The following DGKB variants were observed in gnomAD, a reference collection of about 807,000 sequenced individuals.
DGKB encodes diacylglycerol kinase beta.
DGKB carries 67 observed loss-of-function variants against 114.3 expected under a neutral mutation model. That is an observed-to-expected ratio of 0.59 (90% CI 0.48 to 0.72). DGKB has a LOEUF of 0.72. Ranked by LOEUF, DGKB falls within the 30% of genes least tolerant of loss-of-function variation. The pLI, the probability that DGKB is intolerant of heterozygous loss-of-function variation, is 0.00. For synonymous variants in DGKB, 398 were observed against 323.1 expected (o/e 1.23, Z -2.49); for missense variants, 907 against 975.2 (o/e 0.93, Z 0.93).
chr7:14,519,904 CTCA>C (rs1315535273), intron 20 of DGKB, among the ~76,000 whole-genome samples: 2 of 151,564 alleles, frequency 1.3e-5, no homozygotes, highest in East Asian at 3.9e-4. Context: ...TGGATTGTTT[CTCA>C]TTATTATTAT....
chr7:14,762,700 T>G (rs968829845), intron 2 of DGKB, among the ~76,000 whole-genome samples: 1 of 152,090 alleles, frequency 6.6e-6, no homozygotes. Context: ...CAACACATAC[T>G]TGTCAGATTA....
chr7:14,306,059 T>C (rs758503861), intron 23 of DGKB, among the ~76,000 whole-genome samples: 1 of 152,138 alleles, frequency 6.6e-6, no homozygotes, highest in Non-Finnish European at 1.5e-5. Flanking sequence ...AGTGATTTTT[T>C]TTCTTTTTTT....
chr7:14,675,559 T>C (rs762626729), intron 12 of DGKB, among the ~76,000 whole-genome samples: 2 of 151,746 alleles, frequency 1.3e-5, no homozygotes, highest in African/African-American at 2.4e-5. Flanking sequence ...TTTCAGAGCA[T>C]AGGTACTGAC....
At chr7:14,959,369 T>G (rs1320024290) in intron 1 of DGKB, among the ~76,000 whole-genome samples, 1 of 147,894 alleles carries the variant, frequency 6.8e-6, no homozygotes, top group Non-Finnish European at 1.5e-5. Context: ...CAATTTTCAG[T>G]GAAATAGAGT....
At chr7:14,895,609 G>C (rs770412563) in intron 1 of DGKB, among the ~76,000 whole-genome samples, 18 of 151,240 alleles carry the variant, frequency 1.2e-4, no homozygotes, top group Non-Finnish European at 3.0e-5. Context: ...GCAACCTTTA[G>C]TACTGTAGGA....
Position 14,170,145 on chromosome 7 carries a change from A to AAAAGAAAGAAAGAAAGAAAGAAAG in DGKB, c.2304+6670_2304+6693dup, listed in dbSNP as rs58897814. ...GAGAAACTCCATCTCAAAAAAAAAA[A>AAAAGAAAGAAAGAAAGAAAGAAAG]AAAGAAAGAAAGAAAGAAAGAAAGA... On this transcript the variant is annotated intron_variant, in intron 25 of 25. Transcript: ENST00000402815. Among the ~76,000 whole-genome samples, 90 of 100,004 alleles carry AAAAGAAAGAAAGAAAGAAAGAAAG rather than the reference A, an allele frequency of 9.0e-4. 2 individuals are homozygous for AAAAGAAAGAAAGAAAGAAAGAAAG. The highest frequency in any genetic ancestry group is 1.4e-3 in the Non-Finnish European group (69 of 50,592). 65.6% of individuals were successfully genotyped at this position (100,004 alleles called of 152,430 possible).
intron 18 of DGKB, among the ~76,000 whole-genome samples, chr7:14,581,718 T>C (rs1462070625): frequency 6.6e-6 from 1 of 152,096 alleles, no homozygotes; most frequent in East Asian, 1.9e-4. Flanking sequence ...TGTGTAGGGA[T>C]AGAGGGGATA....
chr7:14,261,877 T>G (rs1024008874), intron 23 of DGKB, among the ~76,000 whole-genome samples: 1 of 152,208 alleles, frequency 6.6e-6, no homozygotes, highest in Admixed American at 6.5e-5. Flanking sequence ...CAATTGGCAT[T>G]AAATGTCATT....
chr7:14,317,565 A>C (rs1391213913), intron 23 of DGKB, among the ~76,000 whole-genome samples: 3 of 150,932 alleles, frequency 2.0e-5, no homozygotes, highest in Admixed American at 6.6e-5. Flanking sequence ...AGACCTAGGA[A>C]TCCAACTTAC....
At chr7:14,412,709 C>T (rs889014434) in intron 21 of DGKB, among the ~76,000 whole-genome samples, 3 of 152,084 alleles carry the variant, frequency 2.0e-5, no homozygotes, top group African/African-American at 4.8e-5. Context: ...AGGCCAGGCA[C>T]GGTGGCTCAC....
At chr7:14,419,091 G>A (rs931000390) in intron 21 of DGKB, among the ~76,000 whole-genome samples, 1 of 151,714 alleles carries the variant, frequency 6.6e-6, no homozygotes, top group Non-Finnish European at 1.5e-5. Context: ...TCCTTACTCT[G>A]GGACAGCGGA....
At chr7:14,266,204 T>A (rs1393094745) in intron 23 of DGKB, among the ~76,000 whole-genome samples, 1 of 152,218 alleles carries the variant, frequency 6.6e-6, no homozygotes, top group Non-Finnish European at 1.5e-5. Flanking sequence ...TGCCTTCAAA[T>A]TGCGCCTAAA....
intron 20 of DGKB, among the ~76,000 whole-genome samples, chr7:14,553,995 C>T (rs1279363179): frequency 6.6e-6 from 1 of 151,240 alleles, no homozygotes; most frequent in African/African-American, 2.4e-5. Context: ...GCCTCAGCCT[C>T]CCGAGTAGCT....
chr7:14,574,171 A>G (rs775931608), intron 20 of DGKB, 41 bp downstream of exon 20: 6 of 1,521,424 alleles, frequency 3.9e-6, no homozygotes, highest in Admixed American at 1.9e-5. Context: ...CTGTGATTAT[A>G]CAGTACAGGT....
chr7:14,767,161 AG>A (rs1267314287), intron 2 of DGKB, among the ~76,000 whole-genome samples: 3 of 151,740 alleles, frequency 2.0e-5, no homozygotes, highest in Non-Finnish European at 4.4e-5. Flanking sequence ...GAAAAAAAAC[AG>A]CATTCTAATA....
At chr7:14,946,430 A>G (rs1422914016) in intron 1 of DGKB, among the ~76,000 whole-genome samples, 1 of 151,714 alleles carries the variant, frequency 6.6e-6, no homozygotes, top group African/African-American at 2.4e-5. Flanking sequence ...TTGCATCGTA[A>G]TCATGGCACT....
chr7:14,232,805 T>C (rs1021211405), intron 23 of DGKB, among the ~76,000 whole-genome samples: 1 of 152,040 alleles, frequency 6.6e-6, no homozygotes, highest in Non-Finnish European at 1.5e-5. Context: ...GAGGTACTTG[T>C]AAGACAAAAA....
intron 20 of DGKB, among the ~76,000 whole-genome samples, chr7:14,548,455 A>T (rs1341398378): frequency 1.3e-5 from 2 of 152,214 alleles, no homozygotes; most frequent in Non-Finnish European, 2.9e-5. Context: ...TAATTATTCA[A>T]AAATGGACAG....
intron 21 of DGKB, among the ~76,000 whole-genome samples, chr7:14,413,311 T>A (rs1339252890): frequency 6.6e-6 from 1 of 152,130 alleles, no homozygotes; most frequent in East Asian, 1.9e-4. Context: ...TTTACTTGCA[T>A]AACAAAATGG....
Sources: gnomAD v4.1 joint callset for allele counts (sites outside exome capture counted in the v4.1 genomes callset) on GRCh38, gnomAD v4.1.1 for gene constraint, MANE v1.5 for transcripts, NCBI Gene and HGNC (gene_info 2026-07-23, HGNC 2026-07-21) for gene names.